Variants in ATP6V0D2 observed in about 807,000 individuals in gnomAD.
ATP6V0D2 encodes the protein V-type proton ATPase subunit d 2.
Under a neutral mutation model 40.0 loss-of-function variants are expected in ATP6V0D2, and 40 were observed. The observed-to-expected ratio is 1.00, with a 90% CI of 0.78 to 1.30. The LOEUF (loss-of-function observed/expected upper bound fraction) is 1.30, where lower values mean the gene tolerates loss of function less well. Ranked by LOEUF, ATP6V0D2 falls within the 50% of genes most tolerant of loss-of-function variation. The pLI is 0.00. For synonymous variants in ATP6V0D2, 179 were observed against 156.3 expected, an observed-to-expected ratio of 1.15 and a Z score of -1.08; for missense variants, 470 against 423.1, an observed-to-expected ratio of 1.11 and a Z score of -0.97.
At position 86,152,893 on chromosome 8, in the gene ATP6V0D2, G is replaced by A. The variant is rs765436243; in HGVS notation, c.969G>A (p.Gln323=). Residue 323 remains glutamine (Q), a synonymous_variant, in exon 8 of 8, where the codon CAG becomes CAA. Coordinates refer to ENST00000285393, the MANE Select transcript of ATP6V0D2 (RefSeq NM_152565.1). The part of the protein sequence containing the change: ...VFYAYVKLKE[Q]EIRNIVWIAE... ...ATGCATATGTAAAGCTGAAGGAACA[G>A]GAAATTAGAAATATTGTGTGGATAG... 1.2e-6 allele frequency: 2 copies of A among 1,612,578 alleles called. No homozygotes were observed. The highest frequency in any genetic ancestry group is 2.2e-5 in the South Asian group (2 of 90,808).
intron 2 of ATP6V0D2, among the ~76,000 whole-genome samples, chr8:86,132,362 T>C (rs898955448): frequency 6.6e-6 from 1 of 152,200 alleles, no homozygotes; most frequent in Non-Finnish European, 1.5e-5. Flanking sequence ...TTTTGTAATA[T>C]GTCATACATT....
At chr8:86,134,180 A>AGTATTTTTC (rs1354844635) in intron 2 of ATP6V0D2, among the ~76,000 whole-genome samples, 2 of 152,154 alleles carry the variant, frequency 1.3e-5, no homozygotes, top group Non-Finnish European at 2.9e-5. Flanking sequence ...TTCAAGCACT[A>AGTATTTTTC]AAGACAAGAA....
intron 2 of ATP6V0D2, among the ~76,000 whole-genome samples, chr8:86,115,097 G>C (rs1254554996): frequency 6.6e-6 from 1 of 152,104 alleles, no homozygotes; most frequent in Admixed American, 6.5e-5. Context: ...CTGGGCGTTG[G>C]CTGTATGAAA....
rs770305522 is a variant in ATP6V0D2 at position 86,141,530 on chromosome 8, G to A, written c.561+1G>A. On this transcript the variant is annotated splice_donor_variant, in intron 4 of 7. Coordinates refer to ENST00000285393, the MANE Select transcript of ATP6V0D2 (RefSeq NM_152565.1). LOFTEE classifies it high-confidence loss of function. The stretch of plus-strand genomic sequence containing the variant: ...ATTGCTACGCAATAAACTATACAAG[G>A]TAATGGTTTTCCCAAATATTGTCTT... 1 of 1,579,076 alleles carries A rather than the reference G, an allele frequency of 6.3e-7. No individual in the cohort carries two copies. The highest frequency in any genetic ancestry group is 8.7e-7 in the Non-Finnish European group (1 of 1,155,902).
At chr8:86,143,889 T>A (rs987267523) in intron 5 of ATP6V0D2, among the ~76,000 whole-genome samples, 1 of 152,068 alleles carries the variant, frequency 6.6e-6, no homozygotes, top group Non-Finnish European at 1.5e-5. Flanking sequence ...TGAGGGAACA[T>A]TGGGCAGCTG....
intron 4 of ATP6V0D2, among the ~76,000 whole-genome samples, chr8:86,141,872 A>T (rs1447466214): frequency 6.6e-6 from 1 of 152,160 alleles, no homozygotes; most frequent in African/African-American, 2.4e-5. Context: ...TACATAGCAA[A>T]CCTTCTGCTA....
At chr8:86,121,038 CA>C (rs1346569926) in intron 2 of ATP6V0D2, among the ~76,000 whole-genome samples, 1 of 152,130 alleles carries the variant, frequency 6.6e-6, no homozygotes, top group African/African-American at 2.4e-5. Context: ...AATGTTTAAT[CA>C]GGGGGCCTCA....
At chr8:86,106,748 T>A (rs1818473717) in intron 1 of ATP6V0D2, among the ~76,000 whole-genome samples, 1 of 152,208 alleles carries the variant, frequency 6.6e-6, no homozygotes, top group African/African-American at 2.4e-5. Flanking sequence ...TCAACCCTAG[T>A]AAGATTTACT....
chr8:86,128,233 C>G (rs985071119), intron 2 of ATP6V0D2, among the ~76,000 whole-genome samples: 10 of 152,160 alleles, frequency 6.6e-5, no homozygotes, highest in Non-Finnish European at 1.5e-4. Flanking sequence ...CCTGTAATCC[C>G]AGCTACTCAG....
Position 86,141,519 on chromosome 8 carries a change from AAC to A in ATP6V0D2, c.552_553del (p.Lys184AsnfsTer7). ...CTGAATATTGAATTGCTACGCAATAAACTATACAAGGTAATGGTTTTCCCAAA... is the reference window on the plus strand; with the variant it reads ...CTGAATATTGAATTGCTACGCAATAATATACAAGGTAATGGTTTTCCCAAA... On this transcript the variant is annotated frameshift_variant, in exon 4 of 8. Transcript: ENST00000285393. LOFTEE classifies it high-confidence loss of function. The A allele has an allele frequency of 1.2e-6, 2 of 1,603,798 alleles. No homozygotes were observed. Among genetic ancestry groups the A allele is most frequent in the South Asian group, 2.2e-5 (2 of 90,568 alleles).
intron 2 of ATP6V0D2, among the ~76,000 whole-genome samples, chr8:86,126,880 G>A (rs933172696): frequency 6.6e-6 from 1 of 152,154 alleles, no homozygotes; most frequent in East Asian, 1.9e-4. Flanking sequence ...CAAGATTGTA[G>A]AGAATCTTAA....
chr8:86,143,538 A>G lies in ATP6V0D2; in HGVS notation c.639+584A>G, dbSNP rs1381402421. The stretch of plus-strand genomic sequence containing the variant: ...AGACCACATAGGGTAACTTCCTGAC[A>G]TTGCCATGGCATTTGTAAACTGTCA... On this transcript the variant is annotated intron_variant, in intron 5 of 7. Transcript: ENST00000285393. Among the ~76,000 whole-genome samples the G allele has an allele frequency of 2.0e-5, 3 of 152,170 alleles. No homozygotes were observed. The East Asian group carries it at 5.8e-4, about 29-fold the overall frequency.
chr8:86,122,728 T>C (rs1406211706), intron 2 of ATP6V0D2, among the ~76,000 whole-genome samples: 5 of 152,332 alleles, frequency 3.3e-5, no homozygotes, highest in African/African-American at 1.2e-4. Flanking sequence ...ACAATGAATT[T>C]TGACTTTAAA....
intron 1 of ATP6V0D2, among the ~76,000 whole-genome samples, chr8:86,101,073 G>A (rs1818390203): frequency 6.6e-6 from 1 of 151,536 alleles, no homozygotes; most frequent in African/African-American, 2.4e-5. Context: ...CTTGAACCTG[G>A]GAGGCAGAGG....
chr8:86,140,089 G>A (rs1037595869), intron 3 of ATP6V0D2, among the ~76,000 whole-genome samples: 14 of 152,128 alleles, frequency 9.2e-5, no homozygotes, highest in African/African-American at 3.1e-4. Context: ...TTTCTTTCAG[G>A]AAGTTTAAAA....
At chr8:86,125,643 C>G (rs149649963) in intron 2 of ATP6V0D2, among the ~76,000 whole-genome samples, 317 of 152,244 alleles carry the variant, frequency 2.1e-3, no homozygotes, top group Middle Eastern at 0.01. Flanking sequence ...GACTATACTT[C>G]AGAATTCATG....
At chr8:86,142,560 G>C (rs1818989272) in intron 4 of ATP6V0D2, among the ~76,000 whole-genome samples, 1 of 152,160 alleles carries the variant, frequency 6.6e-6, no homozygotes, top group Non-Finnish European at 1.5e-5. Flanking sequence ...ACTGATCTCA[G>C]AAAAGAACTT....
chr8:86,139,701 A>AT, intron 3 of ATP6V0D2, 66 bp downstream of exon 3: 1 of 1,466,632 alleles, frequency 6.8e-7, no homozygotes. Flanking sequence ...AAAATGTACT[A>AT]TTTTTTTCTT....
intron 1 of ATP6V0D2, among the ~76,000 whole-genome samples, chr8:86,104,844 A>AACACACACAC (rs1376640050): frequency 2.9e-3 from 179 of 61,048 alleles, no homozygotes; most frequent in Non-Finnish European, 3.3e-3. Context: ...TCCTGTTTAA[A>AACACACACAC]ACACATACAC....
Sources: allele counts gnomAD v4.1 joint callset (sites outside exome capture counted in the v4.1 genomes callset), GRCh38; gene constraint gnomAD v4.1.1; transcripts MANE v1.5; gene names NCBI Gene and HGNC (gene_info 2026-07-23, HGNC 2026-07-21).